The following PTPRE variants were observed in gnomAD, a reference collection of about 807,000 sequenced individuals.
The protein encoded by PTPRE is protein tyrosine phosphatase receptor type E.
In PTPRE, 51 loss-of-function variants were observed where a neutral mutation model predicts 102.0. The observed-to-expected ratio is 0.50, with a 90% CI of 0.40 to 0.63. The LOEUF is 0.63. Ranked by LOEUF, PTPRE falls within the 30% of genes least tolerant of loss-of-function variation. PTPRE has a pLI of 0.00. For synonymous variants in PTPRE, 345 were observed against 348.2 expected, an observed-to-expected ratio of 0.99 and a Z score of 0.10; for missense variants, 752 against 915.1, an observed-to-expected ratio of 0.82 and a Z score of 2.30.
intron 2 of PTPRE, among the ~76,000 whole-genome samples, chr10:128,027,017 T>C (rs1412008900): frequency 6.6e-6 from 1 of 152,230 alleles, no homozygotes; most frequent in African/African-American, 2.4e-5. Flanking sequence ...CCTGATTTCA[T>C]AGAAAACAGG....
At chr10:128,068,044 C>A in intron 11 of PTPRE, 79 bp from the exon 12 acceptor site, 1 of 1,495,452 alleles carries the variant, frequency 6.7e-7, no homozygotes, top group South Asian at 1.2e-5. Context: ...GAGCCCACGG[C>A]GGCGTCCTCA....
chr10:128,047,161 T>G (rs1278067725), intron 3 of PTPRE, among the ~76,000 whole-genome samples: 1 of 152,214 alleles, frequency 6.6e-6, no homozygotes, highest in African/African-American at 2.4e-5. Context: ...CCAGGGATTT[T>G]GGACAAGTCA....
chr10:127,998,699 G>T (rs1380757944), intron 2 of PTPRE: 1 of 152,144 alleles, frequency 6.6e-6, no homozygotes, highest in Non-Finnish European at 1.5e-5. Context: ...CCTTCTGAAA[G>T]ACTCAAAATT....
At chr10:127,961,018 C>CAAA (rs5788882) in intron 1 of PTPRE, among the ~76,000 whole-genome samples, 11,617 of 140,230 alleles carry the variant, frequency 0.083, 762 homozygotes, top group African/African-American at 0.17. Context: ...CAGACTCTGT[C>CAAA]AAAAAAAAAA....
intron 2 of PTPRE, among the ~76,000 whole-genome samples, chr10:127,996,094 A>G (rs1440270723): frequency 1.3e-5 from 2 of 152,160 alleles, no homozygotes; most frequent in Non-Finnish European, 2.9e-5. Flanking sequence ...TTTCAGGATG[A>G]TGTTGAGTCC....
In PTPRE at chr10:127,968,395, C is replaced by A. The variant is rs189398741; in HGVS notation, c.-30-13879C>A. 3.0e-3 allele frequency among the ~76,000 whole-genome samples: 452 copies of A among 152,264 alleles called. 1 individual carries two copies. Among genetic ancestry groups the A allele is most frequent in the African/African-American group, 0.01 (435 of 41,560 alleles). On this transcript the variant is annotated intron_variant, in intron 1 of 20. Coordinates refer to ENST00000254667, the MANE Select transcript of PTPRE (RefSeq NM_006504.6). The stretch of plus-strand genomic sequence containing the variant: ...TGATGTCCAGTGAAGACACAGCAAT[C>A]CAAATAGATCACTGCCTTCCAGCCC...
chr10:128,027,990 T>G (rs1846407682), intron 2 of PTPRE, among the ~76,000 whole-genome samples: 1 of 151,978 alleles, frequency 6.6e-6, no homozygotes, highest in Admixed American at 6.5e-5. Flanking sequence ...ACGCCGAGGG[T>G]CTCCACCTCC....
chr10:127,941,814 T>G (rs138139018), intron 1 of PTPRE, among the ~76,000 whole-genome samples: 5 of 151,758 alleles, frequency 3.3e-5, no homozygotes, highest in African/African-American at 1.2e-4. Flanking sequence ...GATCTGTACA[T>G]CCAGGCTTCC....
chr10:127,940,081 A>G (rs1848128764), intron 1 of PTPRE, among the ~76,000 whole-genome samples: 1 of 151,618 alleles, frequency 6.6e-6, no homozygotes, highest in African/African-American at 2.4e-5. Context: ...ATGAGGTAAG[A>G]GGAGCCAGGT....
intron 18 of PTPRE, among the ~76,000 whole-genome samples, chr10:128,077,407 T>A (rs1232143488): frequency 6.6e-6 from 1 of 152,168 alleles, no homozygotes; most frequent in East Asian, 1.9e-4. Context: ...TCGCTCCCCC[T>A]TGCAGAAGGA....
chr10:127,940,022 A>G (rs903161294), intron 1 of PTPRE, among the ~76,000 whole-genome samples: 16 of 145,230 alleles, frequency 1.1e-4, no homozygotes, highest in Admixed American at 5.5e-4. Context: ...GCAGGCAGGT[A>G]CAGACAGATG....
At chr10:128,074,134 A>G (rs1208342945) in intron 17 of PTPRE, among the ~76,000 whole-genome samples, 3 of 152,064 alleles carry the variant, frequency 2.0e-5, no homozygotes, top group Non-Finnish European at 1.5e-5. Context: ...CTTCCTGACT[A>G]TGGGTTTGTC....
Position 128,002,032 on chromosome 10 carries a change from G to A in PTPRE, c.-8+19736G>A, listed in dbSNP as rs536483900. Among the ~76,000 whole-genome samples the A allele has an allele frequency of 1.8e-4, 28 of 152,270 alleles. 1 individual carries two copies. Among genetic ancestry groups the A allele is most frequent in the African/African-American group, 6.5e-4 (27 of 41,552 alleles). ...GGCTGTTCTGTCGCTGGCTCTGCTC[G>A]TACTTGGTAGAGCACAGCCACTGCC... On this transcript the variant is annotated intron_variant, in intron 2 of 20. Coordinates refer to ENST00000254667, the MANE Select transcript of PTPRE (RefSeq NM_006504.6).
chr10:127,968,343 C>T (rs963722116), intron 1 of PTPRE, among the ~76,000 whole-genome samples: 1 of 152,166 alleles, frequency 6.6e-6, no homozygotes, highest in Non-Finnish European at 1.5e-5. Flanking sequence ...CACAAGTCCT[C>T]TTGTACAAGG....
intron 2 of PTPRE, among the ~76,000 whole-genome samples, chr10:128,006,045 G>C (rs1212911601): frequency 3.3e-5 from 5 of 152,174 alleles, no homozygotes; most frequent in Admixed American, 1.3e-4. Context: ...CCTAATCCAT[G>C]ATGACCTCAT....
chr10:127,969,750 C>T (rs1850568126), intron 1 of PTPRE, among the ~76,000 whole-genome samples: 5 of 151,854 alleles, frequency 3.3e-5, no homozygotes, highest in African/African-American at 7.3e-5. Context: ...GTAAAGGAGA[C>T]GGTCAGACTG....
rs566201147 is a variant in PTPRE, at chr10:128,068,208, C to T, written c.929C>T (p.Pro310Leu). The change falls in exon 12 of 21, where the codon CCC becomes CTC. Residue 310 changes from proline (P) to leucine (L), a missense_variant. Around this residue, in one of 2 missense-constraint regions of PTPRE, gnomAD observed 636 missense variants for 824.4 expected, o/e 0.77. Transcript: ENST00000254667. ...CCCGACTTCGGAGTGCCTTTTACCCCCATTGGGATGCTGAAGTTCCTCAAG... is the reference window on the plus strand; with the variant it reads ...CCCGACTTCGGAGTGCCTTTTACCCTCATTGGGATGCTGAAGTTCCTCAAG... The part of the protein sequence containing the change: ...SWPDFGVPFT[P>L]IGMLKFLKKV... The T allele has an allele frequency of 5.0e-6, 8 of 1,614,170 alleles. No homozygotes were observed. The highest frequency in any genetic ancestry group is 6.8e-6 in the Non-Finnish European group (8 of 1,180,000).
intron 17 of PTPRE, among the ~76,000 whole-genome samples, chr10:128,075,351 T>C (rs1473795398): frequency 6.6e-6 from 1 of 152,232 alleles, no homozygotes; most frequent in East Asian, 1.9e-4. Context: ...GGTATACATG[T>C]GCATGGTAGT....
intron 1 of PTPRE, among the ~76,000 whole-genome samples, chr10:127,925,848 G>T (rs565441642): frequency 3.9e-5 from 6 of 152,276 alleles, no homozygotes; most frequent in African/African-American, 1.4e-4. Flanking sequence ...AGCAGCAGCT[G>T]ATAGGTAAAG....
Sources: allele counts gnomAD v4.1 joint callset (sites outside exome capture counted in the v4.1 genomes callset), GRCh38; gene constraint gnomAD v4.1.1; regional missense constraint gnomAD v4.1.1; transcripts MANE v1.5; gene names NCBI Gene and HGNC (gene_info 2026-07-23, HGNC 2026-07-21).